Variants in POMZP3 observed in about 807,000 individuals in gnomAD.
POMZP3 encodes the protein POM121 and ZP3 fusion protein.
Under a neutral mutation model 19.8 loss-of-function variants are expected in POMZP3, and 10 were observed. The observed-to-expected ratio is 0.51, with a 90% CI of 0.31 to 0.86. POMZP3 has a LOEUF of 0.86. Ranked by LOEUF, POMZP3 falls within the 40% of genes least tolerant of loss-of-function variation. POMZP3 has a pLI of 0.04. For synonymous variants in POMZP3, 57 were observed against 85.8 expected, an observed-to-expected ratio of 0.66 and a Z score of 1.85; for missense variants, 152 against 228.1, an observed-to-expected ratio of 0.67 and a Z score of 2.15.
In POMZP3 at chr7:76,613,039, C is replaced by G. The variant is rs1439138714; in HGVS notation, c.346-1226G>C. 5.8e-5 allele frequency among the ~76,000 whole-genome samples: 3 copies of G among 51,638 alleles called. No homozygotes were observed. The East Asian group carries it at 1.3e-3, about 23-fold the overall frequency. 33.9% of individuals were successfully genotyped at this position (51,638 alleles called of 152,430 possible). A position where few individuals can be genotyped will look rare whatever the true frequency, so the allele number is the denominator to read the frequency against. ...AAGCAATTCTCCTGCCTCAGCCTCCCAAGTAGCTGGGATTACAGGCACTTG... is the reference window on the plus strand; with the variant it reads ...AAGCAATTCTCCTGCCTCAGCCTCCGAAGTAGCTGGGATTACAGGCACTTG... On this transcript the variant is annotated intron_variant, in intron 4 of 6. Transcript: ENST00000310842.
chr7:76,620,723 C>T (rs915047699), intron 3 of POMZP3, among the ~76,000 whole-genome samples: 11 of 152,000 alleles, frequency 7.2e-5, no homozygotes, highest in African/African-American at 2.4e-4. Context: ...CTGCCTCAGC[C>T]TCCCAAAGTG....
Position 76,626,911 on chromosome 7 carries a change from A to C in POMZP3, c.-355T>G. On this transcript the variant is annotated 5_prime_UTR_variant, in exon 1 of 7. Coordinates refer to ENST00000310842, the MANE Select transcript of POMZP3 (RefSeq NM_012230.5). ...GGGCTTGCCCAGGTAACTGCCCATG[A>C]GGAGCAGTTCGGCAGGGTCAGGTCC... is the stretch of plus-strand genomic sequence containing the variant. The C allele has an allele frequency of 7.2e-7, 1 of 1,392,262 alleles. No individual in the cohort carries two copies. Among genetic ancestry groups the C allele is most frequent in the Admixed American group, 3.2e-5 (1 of 31,302 alleles). The allele number at this position is 1,392,262 out of a possible 1,614,324, so 86.2% of individuals were successfully genotyped here.
At chr7:76,619,166 AG>A (rs1815409622) in intron 3 of POMZP3, among the ~76,000 whole-genome samples, 1 of 152,144 alleles carries the variant, frequency 6.6e-6, no homozygotes, top group African/African-American at 2.4e-5. Flanking sequence ...TGGGAGGCCA[AG>A]GTGGGAGGAT....
At chr7:76,619,337 G>C (rs576523737) in intron 3 of POMZP3, among the ~76,000 whole-genome samples, 2 of 152,086 alleles carry the variant, frequency 1.3e-5, no homozygotes, top group African/African-American at 4.8e-5. Flanking sequence ...GCAGTGAGCC[G>C]AGATCGTGCC....
intron 3 of POMZP3, among the ~76,000 whole-genome samples, chr7:76,624,787 C>T (rs1446207687): frequency 6.6e-6 from 1 of 151,650 alleles, no homozygotes; most frequent in African/African-American, 2.4e-5. Flanking sequence ...AACTACCAAA[C>T]TCTAGTTTTC....
intron 3 of POMZP3, chr7:76,621,089 G>A (rs911190621): frequency 1.3e-5 from 2 of 148,738 alleles, no homozygotes; most frequent in African/African-American, 5.1e-5. Context: ...TGGCTGCAAA[G>A]CTATCTTGCT....
chr7:76,626,382 AG>A (rs1392168794), intron 1 of POMZP3, 167 bp from the exon 2 acceptor site: 4 of 655,396 alleles, frequency 6.1e-6, no homozygotes, highest in Non-Finnish European at 1.0e-5. Context: ...TCCATCTAAG[AG>A]CAGAGAGTGA....
At chr7:76,624,855 G>A (rs933052030) in intron 3 of POMZP3, among the ~76,000 whole-genome samples, 6 of 151,498 alleles carry the variant, frequency 4.0e-5, no homozygotes, top group South Asian at 2.1e-4. Context: ...CTGGTGGGCC[G>A]GGCGCCGTGG....
rs1257792175 is a variant in POMZP3 at position 76,618,827 on chromosome 7, T to C, written c.228-527A>G. 4.6e-5 allele frequency among the ~76,000 whole-genome samples: 7 copies of C among 151,826 alleles called. No homozygotes were observed. In the South Asian group the frequency reaches 1.2e-3, roughly 27 times the overall value. On this transcript the variant is annotated intron_variant, in intron 3 of 6. Transcript: ENST00000310842. ...TTTATTTATTTTTTGAGACAGTGTC[T>C]CCCAGGCTGGAGTACAGTGGCGTGA...
chr7:76,620,698 C>T (rs1469671006), intron 3 of POMZP3, among the ~76,000 whole-genome samples: 5 of 151,824 alleles, frequency 3.3e-5, no homozygotes, highest in African/African-American at 1.2e-4. Context: ...GAACTTCTGA[C>T]CTCAGGTGAT....
At chr7:76,620,891 C>A (rs1815521767) in intron 3 of POMZP3, among the ~76,000 whole-genome samples, 1 of 73,872 alleles carries the variant, frequency 1.4e-5, no homozygotes, top group Non-Finnish European at 2.7e-5. Context: ...TTTTTTGAGA[C>A]AGAGTCTCTC....
chr7:76,625,490 A>C (rs777785885), intron 3 of POMZP3, 32 bp downstream of exon 3: 1 of 1,606,324 alleles, frequency 6.2e-7, no homozygotes, highest in Non-Finnish European at 8.5e-7. Flanking sequence ...TCCAAGCGGG[A>C]AACTGGCTTA....
Position 76,621,968 on chromosome 7 carries a change from T to G in POMZP3, c.227+3554A>C, listed in dbSNP as rs1252242727. ...ATAAATAAATAAATAAATAAATAAA[T>G]AAATAAAACAGGTTGCAGTGAAGAA... On this transcript the variant is annotated intron_variant, in intron 3 of 6. Transcript: ENST00000310842. 9.9e-5 allele frequency among the ~76,000 whole-genome samples: 11 copies of G among 111,250 alleles called. No individual in the cohort carries two copies. The East Asian group carries it at 2.3e-3, about 23-fold the overall frequency. 73.0% of individuals were successfully genotyped at this position (111,250 alleles called of 152,430 possible). A position where few individuals can be genotyped will look rare whatever the true frequency, so the allele number is the denominator to read the frequency against.
At chr7:76,619,091 T>C (rs1394609429) in intron 3 of POMZP3, among the ~76,000 whole-genome samples, 1 of 152,132 alleles carries the variant, frequency 6.6e-6, no homozygotes, top group Non-Finnish European at 1.5e-5. Flanking sequence ...CCTGACTGAA[T>C]TTTTAAAGAT....
chr7:76,624,295 T>C (rs1464500400), intron 3 of POMZP3, among the ~76,000 whole-genome samples: 1 of 151,124 alleles, frequency 6.6e-6, no homozygotes, highest in African/African-American at 2.4e-5. Flanking sequence ...ATGCCTGTAA[T>C]CCCAGCACTT....
Position 76,611,713 on chromosome 7 carries a change from T to C in POMZP3, c.437+9A>G. 7.3e-7 allele frequency: 1 copy of C among 1,377,536 alleles called. No homozygotes were observed. Among genetic ancestry groups the C allele is most frequent in the Non-Finnish European group, 9.9e-7 (1 of 1,010,422 alleles). The allele number at this position is 1,377,536 out of a possible 1,614,324, so 85.3% of individuals were successfully genotyped here. A position where few individuals can be genotyped will look rare whatever the true frequency, so the allele number is the denominator to read the frequency against. ...GTTTCTACTCCAGTCACGGAGCACC[T>C]GTCCTCACCTGTTGGAAGGCTTGCT... On this transcript the variant is annotated intron_variant, in intron 5 of 6. Coordinates refer to ENST00000310842, the MANE Select transcript of POMZP3 (RefSeq NM_012230.5).
chr7:76,612,911 G>GT (rs1217083736), intron 4 of POMZP3, among the ~76,000 whole-genome samples: 8 of 70,490 alleles, frequency 1.1e-4, no homozygotes, highest in African/African-American at 8.3e-5. Context: ...GACTTAAGAG[G>GT]TTTTTTTTTT....
intron 4 of POMZP3, among the ~76,000 whole-genome samples, chr7:76,617,410 G>T: frequency 1.1e-5 from 1 of 91,694 alleles, no homozygotes; most frequent in African/African-American, 5.1e-5. Context: ...TTCCCTCTTA[G>T]TGTCAATTTG....
intron 3 of POMZP3, among the ~76,000 whole-genome samples, chr7:76,622,656 G>A (rs113190427): frequency 2.1e-4 from 32 of 151,572 alleles, no homozygotes; most frequent in Middle Eastern, 3.4e-3. Flanking sequence ...GAGCCACTGC[G>A]TCTGGCCCAT....
Sources: gnomAD v4.1 joint callset for allele counts (sites outside exome capture counted in the v4.1 genomes callset) on GRCh38, gnomAD v4.1.1 for gene constraint, MANE v1.5 for transcripts, NCBI Gene and HGNC (gene_info 2026-07-23, HGNC 2026-07-21) for gene names.